LRRC61: variants seen among roughly 807,000 people sequenced by gnomAD.
LRRC61 encodes leucine-rich repeat-containing protein 61.
In LRRC61, 9 loss-of-function variants were observed where a neutral mutation model predicts 15.1. That is an observed-to-expected ratio of 0.60 (90% CI 0.36 to 1.04). The LOEUF (loss-of-function observed/expected upper bound fraction) is 1.04, where lower values mean the gene tolerates loss of function less well. Among genes scored for constraint, LRRC61 ranks in the 50% least tolerant of loss-of-function variants. The pLI, the probability that LRRC61 is intolerant of heterozygous loss-of-function variation, is 0.01. For missense variants in LRRC61, 344 were observed against 335.6 expected (o/e 1.03, Z -0.20); for synonymous variants, 173 against 158.6 (o/e 1.09, Z -0.68).
chr7:150,323,611 G>GC (rs1045714027), intron 1 of LRRC61, 51 bp downstream of exon 1: 12 of 453,570 alleles, frequency 2.6e-5, no homozygotes, highest in Admixed American at 9.5e-5. Flanking sequence ...GGCTGTCGGG[G>GC]CCCGTGCCGG....
chr7:150,331,240 C>A, intron 2 of LRRC61: 1 of 954,578 alleles, frequency 1.0e-6, no homozygotes, highest in Non-Finnish European at 1.6e-6. Flanking sequence ...CTACACCCCG[C>A]CTCCCCTCAT....
At chr7:150,314,858 G>A in the LRRC61 span, among the ~76,000 whole-genome samples, 33 of 149,686 alleles carry the variant, frequency 2.2e-4, no homozygotes, top group African/African-American at 7.6e-4. Flanking sequence ...AGGCGGAGGC[G>A]AGCGGCTCAC....
chr7:150,315,773 T>C, the LRRC61 span, among the ~76,000 whole-genome samples: 10 of 152,166 alleles, frequency 6.6e-5, no homozygotes, highest in Non-Finnish European at 4.4e-5. Flanking sequence ...TATTCATACA[T>C]GTGTGTATTC....
chr7:150,323,118 G>A (rs1417053460), upstream of LRRC61: 4 of 186,458 alleles, frequency 2.1e-5, no homozygotes, highest in Non-Finnish European at 4.5e-5. Flanking sequence ...CTCTAAGGCC[G>A]CACCGATAAA....
rs1287891444 is a variant in LRRC61, at chr7:150,336,947, C to A, written c.86C>A (p.Ser29Tyr). 6.2e-7 allele frequency: 1 copy of A among 1,613,952 alleles called. No individual in the cohort carries two copies. The highest frequency in any genetic ancestry group is 1.1e-5 in the South Asian group (1 of 91,090). Residue 29 changes from serine to tyrosine, a missense_variant, in exon 3 of 3, where the codon TCC (serine) becomes TAC (tyrosine). Coordinates refer to ENST00000359623, the MANE Select transcript of LRRC61 (RefSeq NM_001142928.2). ...QLLKSRTGEF[S>Y]LESILLLKLR... is the part of the protein sequence containing the mutation. Reference sequence around the variant, plus strand: ...CTGAAGTCACGCACAGGCGAGTTCTCCCTGGAGTCCATCCTGCTACTGAAG... The same window carrying A: ...CTGAAGTCACGCACAGGCGAGTTCTACCTGGAGTCCATCCTGCTACTGAAG...
Position 150,335,030 on chromosome 7 carries a change from CAAAAAA to C in LRRC61, c.-144-1675_-144-1670del, listed in dbSNP as rs58391879. ...GGGCAACAAGAGTGAAACTCTGTCT[CAAAAAA>C]AAAAAAAAAAAAGAAAAAAAGGAGC... On this transcript the variant is annotated intron_variant, in intron 2 of 2. Transcript: ENST00000359623. This position sits in a 1 kb window ranked among gnomAD's most constrained non-coding sequence, Gnocchi z 4.3. Among the ~76,000 whole-genome samples the C allele has an allele frequency of 9.8e-6, 1 of 102,350 alleles. No homozygotes were observed. Among genetic ancestry groups the C allele is most frequent in the Non-Finnish European group, 2.0e-5 (1 of 49,034 alleles). The allele number at this position is 102,350 out of a possible 152,430, so 67.1% of individuals were successfully genotyped here. A position where few individuals can be genotyped will look rare whatever the true frequency, so the allele number is the denominator to read the frequency against.
the LRRC61 span, among the ~76,000 whole-genome samples, chr7:150,316,515 G>A: frequency 7.8e-6 from 1 of 127,444 alleles, no homozygotes; most frequent in South Asian, 2.5e-4. Flanking sequence ...TTGAGGCGGA[G>A]TCTCACTGTT....
chr7:150,311,391 C>T, the LRRC61 span, among the ~76,000 whole-genome samples: 8 of 152,342 alleles, frequency 5.3e-5, no homozygotes, highest in South Asian at 2.1e-4. Flanking sequence ...TGCTTTAATA[C>T]GTCTAGAGGC....
intron 2 of LRRC61, among the ~76,000 whole-genome samples, chr7:150,328,134 G>C (rs1798002507): frequency 6.6e-6 from 1 of 152,148 alleles, no homozygotes; most frequent in Non-Finnish European, 1.5e-5. Context: ...TGCGTGTGTG[G>C]GTATGTAGGT....
At chr7:150,321,631 T>C (rs971942885), upstream of LRRC61, among the ~76,000 whole-genome samples, 4 of 152,070 alleles carry the variant, frequency 2.6e-5, no homozygotes, top group South Asian at 6.2e-4. Context: ...TCTTAGCTAC[T>C]TGGGAGACTG....
In LRRC61 at chr7:150,331,147, C is replaced by A. The variant is rs938415432; in HGVS notation, c.-145+5137C>A. ...CTTTGCCTCCCTGAACAGCCCCACC[C>A]TTGTAGAGCAAAACTCTTCTCTCAA... is the stretch of plus-strand genomic sequence containing the variant. On this transcript the variant is annotated intron_variant, in intron 2 of 2. Coordinates refer to ENST00000359623, the MANE Select transcript of LRRC61 (RefSeq NM_001142928.2). 1.9e-6 allele frequency: 3 copies of A among 1,565,450 alleles called. No individual in the cohort carries two copies. In the African/African-American group the frequency reaches 4.1e-5, roughly 21 times the overall value.
the LRRC61 span, among the ~76,000 whole-genome samples, chr7:150,316,348 C>T: frequency 5.9e-5 from 9 of 152,270 alleles, no homozygotes; most frequent in East Asian, 1.3e-3. Context: ...CATAGTGTTT[C>T]GACTGTAGTA....
At position 150,337,643 on chromosome 7, in the gene LRRC61, C is replaced by T. The variant is rs754643204; in HGVS notation, c.*2C>T. 9.2e-6 allele frequency: 14 copies of T among 1,521,322 alleles called. No homozygotes were observed. Among genetic ancestry groups the T allele is most frequent in the African/African-American group, 5.6e-5 (4 of 71,786 alleles). The allele number at this position is 1,521,322 out of a possible 1,614,324, so 94.2% of individuals were successfully genotyped here. On this transcript the variant is annotated 3_prime_UTR_variant, in exon 3 of 3. Transcript: ENST00000359623. ...CCCACCTCTTCCTTCGTCTTCTGAA[C>T]GTGGCCTATGGCCCAGGACAGCCTG...
chr7:150,316,549 G>A, the LRRC61 span, among the ~76,000 whole-genome samples: 321 of 142,034 alleles, frequency 2.3e-3, 2 homozygotes, highest in Non-Finnish European at 3.8e-3. Context: ...GCAGTGGCGC[G>A]ATCTCAGCTC....
In LRRC61 at chr7:150,330,408, G is replaced by A. The variant is rs145565373; in HGVS notation, c.-145+4398G>A. The A allele has an allele frequency of 6.2e-4, 479 of 769,088 alleles. 1 individual carries two copies. The highest frequency in any genetic ancestry group is 7.5e-4 in the Non-Finnish European group (314 of 418,040). The allele number at this position is 769,088 out of a possible 1,614,324, so 47.6% of individuals were successfully genotyped here. On this transcript the variant is annotated intron_variant, in intron 2 of 2. Transcript: ENST00000359623. The surrounding 1 kb of genome is among the most constrained non-coding windows in gnomAD (Gnocchi z 4.6). ...CAAGCTCCTGTAGCCCTTCCAGATG[G>A]TGGTCCGCGAGGCGAGTGCGGCACA...
the LRRC61 span, among the ~76,000 whole-genome samples, chr7:150,315,135 A>C: frequency 2.6e-4 from 38 of 147,404 alleles, no homozygotes; most frequent in Non-Finnish European, 5.1e-4. Flanking sequence ...TGTATAATAA[A>C]TAATATTTAT....
rs1292231740 is a variant in LRRC61, at chr7:150,337,641, A to C, written c.780A>C (p.Ter260CysextTer46). 1 of 1,521,416 alleles carries C rather than the reference A, an allele frequency of 6.6e-7. No individual in the cohort carries two copies. 94.2% of individuals were successfully genotyped at this position (1,521,416 alleles called of 1,614,324 possible). A position where few individuals can be genotyped will look rare whatever the true frequency, so the allele number is the denominator to read the frequency against. Residue 260 changes from the stop codon to cysteine (C), a stop_lost, in exon 3 of 3, where the codon TGA becomes TGC. Coordinates refer to ENST00000359623, the MANE Select transcript of LRRC61 (RefSeq NM_001142928.2). ...SAGPTSSFVF[*>C] ...GCCCCACCTCTTCCTTCGTCTTCTG[A>C]ACGTGGCCTATGGCCCAGGACAGCC...
chr7:150,319,396 G>A (rs1361725721), upstream of LRRC61, among the ~76,000 whole-genome samples: 1 of 152,054 alleles, frequency 6.6e-6, no homozygotes, highest in Non-Finnish European at 1.5e-5. Flanking sequence ...TAGTAGAAAC[G>A]GGGTTTCTCC....
In LRRC61 at chr7:150,335,522, CAT is replaced by C. The variant is rs981527587; in HGVS notation, c.-144-1194_-144-1193del. Among the ~76,000 whole-genome samples, 13 of 152,162 alleles carry C rather than the reference CAT, an allele frequency of 8.5e-5. No individual in the cohort carries two copies. The highest frequency in any genetic ancestry group is 3.1e-4 in the African/African-American group (13 of 41,432). On this transcript the variant is annotated intron_variant, in intron 2 of 2. Coordinates refer to ENST00000359623, the MANE Select transcript of LRRC61 (RefSeq NM_001142928.2). This position sits in a 1 kb window ranked among gnomAD's most constrained non-coding sequence, Gnocchi z 4.3. Reference sequence around the variant, plus strand: ...TCCTCGCCAGCTCCCTGGTTGGGAACATAGTAAATATCTTTGTTGATGGTGTG... The same window carrying C: ...TCCTCGCCAGCTCCCTGGTTGGGAACAGTAAATATCTTTGTTGATGGTGTG...
Sources: gnomAD v4.1 joint callset for allele counts (sites outside exome capture counted in the v4.1 genomes callset) on GRCh38, gnomAD v4.1.1 for gene constraint, Gnocchi (gnomAD v3.1) non-coding constraint, MANE v1.5 for transcripts, NCBI Gene and HGNC (gene_info 2026-07-23, HGNC 2026-07-21) for gene names.